PCDH15: variants seen among roughly 807,000 people sequenced by gnomAD.
The protein encoded by PCDH15 is protocadherin-15.
In PCDH15, 129 loss-of-function variants were observed where a neutral mutation model predicts 178.5. The observed-to-expected ratio is 0.72, with a 90% confidence interval of 0.63 to 0.84. The LOEUF is 0.84. PCDH15 is among the 40% of genes least tolerant of loss of function. The pLI, the probability that PCDH15 is intolerant of heterozygous loss-of-function variation, is 0.00. For synonymous variants in PCDH15, 800 were observed against 732.0 expected (o/e 1.09, Z -1.50); for missense variants, 2,230 against 2,099.9 (o/e 1.06, Z -1.21).
At chr10:54,783,243 G>T (rs1950540391) in intron 1 of PCDH15, among the ~76,000 whole-genome samples, 1 of 152,056 alleles carries the variant, frequency 6.6e-6, no homozygotes, top group African/African-American at 2.4e-5. Flanking sequence ...AATAATTTAT[G>T]ATCTGAATGA....
At chr10:55,235,100 G>C (rs934121763) in intron 1 of PCDH15, among the ~76,000 whole-genome samples, 10 of 151,846 alleles carry the variant, frequency 6.6e-5, no homozygotes, top group African/African-American at 2.2e-4. Context: ...AAAATAAGGA[G>C]TTTGGCATTT....
chr10:55,624,249 G>A (rs1330124271), intron 2 of PCDH15, among the ~76,000 whole-genome samples: 2 of 151,856 alleles, frequency 1.3e-5, no homozygotes, highest in East Asian at 1.9e-4. Context: ...TTTCCCCAGG[G>A]TTCCAAATTC....
chr10:54,176,708 G>C (rs1020971636), intron 13 of PCDH15, among the ~76,000 whole-genome samples: 3 of 152,084 alleles, frequency 2.0e-5, no homozygotes, highest in Non-Finnish European at 1.5e-5. Context: ...ATAATCATCT[G>C]AAACAGTGTG....
At chr10:53,884,986 A>C (rs1030774651) in intron 26 of PCDH15, among the ~76,000 whole-genome samples, 7 of 152,192 alleles carry the variant, frequency 4.6e-5, no homozygotes, top group Non-Finnish European at 1.0e-4. Flanking sequence ...GTGATTCATT[A>C]ATGCCAGAGA....
chr10:54,334,879 T>C (rs1223504746), intron 6 of PCDH15, among the ~76,000 whole-genome samples: 2 of 152,170 alleles, frequency 1.3e-5, no homozygotes, highest in African/African-American at 4.8e-5. Flanking sequence ...TCTTCCCTTA[T>C]CTTTGTGTCT....
intron 25 of PCDH15, among the ~76,000 whole-genome samples, chr10:53,936,407 T>G (rs2134029037): frequency 6.6e-6 from 1 of 152,290 alleles, no homozygotes; most frequent in African/African-American, 2.4e-5. Flanking sequence ...CATATCAAAA[T>G]ATTTACAGAT....
intron 2 of PCDH15, among the ~76,000 whole-genome samples, chr10:54,972,943 ATGAAATATTTAATAACAG>A (rs1226422287): frequency 6.6e-6 from 1 of 151,462 alleles, no homozygotes; most frequent in Non-Finnish European, 1.5e-5. Context: ...AGGTATTATT[ATGAAATATTTAATAACAG>A]TGATAAGTTA....
intron 15 of PCDH15, among the ~76,000 whole-genome samples, chr10:54,115,794 T>A (rs769446336): frequency 1.3e-5 from 2 of 152,268 alleles, no homozygotes; most frequent in South Asian, 4.1e-4. Context: ...AAAGTCTGCT[T>A]CCCAGAAAAC....
At chr10:53,892,564 T>C (rs2133505731) in intron 26 of PCDH15, among the ~76,000 whole-genome samples, 1 of 152,268 alleles carries the variant, frequency 6.6e-6, no homozygotes, top group South Asian at 2.1e-4. Context: ...TGCAGAATTA[T>C]TTCATTGTAT....
At chr10:54,180,297 A>C (rs1349570791) in intron 13 of PCDH15, among the ~76,000 whole-genome samples, 1 of 152,192 alleles carries the variant, frequency 6.6e-6, no homozygotes, top group Admixed American at 6.5e-5. Flanking sequence ...ACTTATAACA[A>C]GGATCTGGTT....
chr10:55,081,807 T>C (rs1258965016), intron 2 of PCDH15, among the ~76,000 whole-genome samples: 1 of 152,178 alleles, frequency 6.6e-6, no homozygotes, highest in Non-Finnish European at 1.5e-5. Context: ...TATTTTGTTA[T>C]AGCAGGCTGA....
At chr10:54,646,697 T>G (rs983820762) in intron 2 of PCDH15, among the ~76,000 whole-genome samples, 1 of 152,070 alleles carries the variant, frequency 6.6e-6, no homozygotes, top group Non-Finnish European at 1.5e-5. Context: ...GTCTTTCCAC[T>G]TGTTTTCATT....
chr10:54,645,276 T>G (rs982323319), intron 2 of PCDH15, among the ~76,000 whole-genome samples: 1 of 151,852 alleles, frequency 6.6e-6, no homozygotes, highest in Non-Finnish European at 1.5e-5. Flanking sequence ...AGCTAGCCGG[T>G]GGTAGAGAGA....
At chr10:54,804,607 T>C (rs1952744466), upstream of PCDH15, among the ~76,000 whole-genome samples, 1 of 152,056 alleles carries the variant, frequency 6.6e-6, no homozygotes, top group Admixed American at 6.6e-5. Flanking sequence ...TTCTTCATGT[T>C]GGTTCACAAA....
chr10:54,582,063 T>C (rs1360674705), intron 2 of PCDH15, among the ~76,000 whole-genome samples: 1 of 151,904 alleles, frequency 6.6e-6, no homozygotes, highest in African/African-American at 2.4e-5. Flanking sequence ...AAAGCAAAAA[T>C]TGACAATTGG....
chr10:55,570,268 A>C (rs1197572942), intron 2 of PCDH15, among the ~76,000 whole-genome samples: 1 of 152,042 alleles, frequency 6.6e-6, no homozygotes, highest in Non-Finnish European at 1.5e-5. Context: ...TAGAAAGACA[A>C]ACATTATTAA....
intron 8 of PCDH15, among the ~76,000 whole-genome samples, chr10:54,262,742 C>T (rs911928043): frequency 1.3e-5 from 2 of 152,174 alleles, no homozygotes; most frequent in African/African-American, 2.4e-5. Context: ...GGACACCCCT[C>T]CCTTTGCAAG....
In PCDH15 at chr10:55,237,439, C is replaced by T. The variant is rs900400020; in HGVS notation, c.-155-70788G>A. Among the ~76,000 whole-genome samples, 3 of 152,068 alleles carry T rather than the reference C, an allele frequency of 2.0e-5. No individual in the cohort carries two copies. The East Asian group carries it at 5.8e-4, about 29-fold the overall frequency. On this transcript the variant is annotated intron_variant, in intron 1 of 5. Coordinates refer to the PCDH15 transcript ENST00000458638. Reference sequence around the variant, plus strand: ...CAAGAAATTCTAGAATTTGAAGTATCTTTCAGTCTTTCCATTTTACAAATG... The same window carrying T: ...CAAGAAATTCTAGAATTTGAAGTATTTTTCAGTCTTTCCATTTTACAAATG...
At chr10:55,011,901 T>C (rs1023743673) in intron 2 of PCDH15, among the ~76,000 whole-genome samples, 2 of 152,040 alleles carry the variant, frequency 1.3e-5, no homozygotes, top group East Asian at 1.9e-4. Context: ...AATAGAGACA[T>C]AGCACTCAAA....
Sources: allele counts gnomAD v4.1 joint callset (sites outside exome capture counted in the v4.1 genomes callset), GRCh38; gene constraint gnomAD v4.1.1; transcripts MANE v1.5; gene names NCBI Gene and HGNC (gene_info 2026-07-23, HGNC 2026-07-21).